The following KRT38 variants were observed in gnomAD, a reference collection of about 807,000 sequenced individuals.
KRT38 encodes the protein keratin 38.
Under a neutral mutation model 43.1 loss-of-function variants are expected in KRT38, and 45 were observed. The ratio of observed to expected loss-of-function variants is 1.04; its 90% CI spans 0.82 to 1.34. The LOEUF (loss-of-function observed/expected upper bound fraction) is 1.34, where lower values mean the gene tolerates loss of function less well. Among genes scored for constraint, KRT38 ranks in the 40% most tolerant of loss-of-function variants. KRT38 has a pLI of 0.00. For missense variants in KRT38, 627 were observed against 586.2 expected, an observed-to-expected ratio of 1.07 and a Z score of -0.72; for synonymous variants, 258 against 244.0, an observed-to-expected ratio of 1.06 and a Z score of -0.53.
Position 41,440,626 on chromosome 17 carries a change from G to A in KRT38, c.296C>T (p.Thr99Ile), listed in dbSNP as rs140551162. Residue 99 changes from threonine to isoleucine, a missense_variant, in exon 1 of 7, where the codon ACC becomes ATC. Physicochemically the swap from Thr to Ile is moderately conservative, Grantham distance 89. Transcript: ENST00000246646. ...GGTCTCCTTCTCATGGCCATTCAGG[G>A]TGTTTTCACCATAGGCCCCACAGAT... ...IGICGAYGEN[T>I]LNGHEKETMQ... 7 of 1,614,096 alleles carry A rather than the reference G, an allele frequency of 4.3e-6. No homozygotes were observed. In the South Asian group the frequency reaches 4.4e-5, roughly 10 times the overall value.
Position 41,438,831 on chromosome 17 carries a change from C to T in KRT38, c.760G>A (p.Gly254Arg). The T allele has an allele frequency of 3.1e-6, 5 of 1,614,192 alleles. No homozygotes were observed. Among genetic ancestry groups the T allele is most frequent in the Non-Finnish European group, 4.2e-6 (5 of 1,180,028 alleles). The stretch of plus-strand genomic sequence containing the variant: ...TCCAGCTCAATCCGGAGCTTCTCCC[C>T]CAGCTGACTCCTCAGAATCTTTACT... ...QEVKILRSQL[G>R]EKLRIELDIE... Residue 254 changes from glycine to arginine, a missense_variant, in exon 4 of 7, where the codon GGG becomes AGG. By Grantham distance (125) the Gly-to-Arg change is moderately radical (BLOSUM62 -2). Transcript: ENST00000246646.
At position 41,439,190 on chromosome 17, in the gene KRT38, C is replaced by G. The variant is rs775293558; in HGVS notation, c.732+13G>C. ...AGTGCCCTCCCCAGGAGTTTGAGCGCCCAGGGCCACACCTGCTCGTGGTTG... is the reference window on the plus strand; with the variant it reads ...AGTGCCCTCCCCAGGAGTTTGAGCGGCCAGGGCCACACCTGCTCGTGGTTG... On this transcript the variant is annotated intron_variant, in intron 3 of 6. Transcript: ENST00000246646. 3.1e-6 allele frequency: 5 copies of G among 1,611,972 alleles called. No individual in the cohort carries two copies. The highest frequency in any genetic ancestry group is 2.2e-5 in the East Asian group (1 of 44,860).
At chr17:41,438,423 C>G in intron 5 of KRT38, 68 bp downstream of exon 5, 2 of 1,610,558 alleles carry the variant, frequency 1.2e-6, no homozygotes, top group Non-Finnish European at 1.7e-6. Context: ...AGTGAGACCT[C>G]CAAAATAAAA....
At chr17:41,439,452 C>T in intron 2 of KRT38, 93 bp from the exon 3 acceptor site, 1 of 1,411,052 alleles carries the variant, frequency 7.1e-7, no homozygotes, top group Non-Finnish European at 9.7e-7. Flanking sequence ...ACCTTGGATC[C>T]TCATTTATTC....
In KRT38 at chr17:41,440,606, C is replaced by G; in HGVS notation, c.316G>C (p.Glu106Gln). ...CGGTCATTCAGGAACTGCATGGTCT[C>G]CTTCTCATGGCCATTCAGGGTGTTT... ...GENTLNGHEK[E>Q]TMQFLNDRLA... The change falls in exon 1 of 7, where the codon GAG becomes CAG. Residue 106 changes from glutamate (E) to glutamine (Q), a missense_variant. Glu to Gln is a conservative substitution (Grantham distance 29, BLOSUM62 2). Transcript: ENST00000246646. 1 of 1,614,214 alleles carries G rather than the reference C, an allele frequency of 6.2e-7. No individual in the cohort carries two copies. Among genetic ancestry groups the G allele is most frequent in the Non-Finnish European group, 8.5e-7 (1 of 1,180,046 alleles).
chr17:41,440,276 A>G, intron 1 of KRT38, 33 bp from the exon 2 acceptor site: 1 of 1,612,286 alleles, frequency 6.2e-7, no homozygotes, highest in Non-Finnish European at 8.5e-7. Context: ...TCACACACAA[A>G]GCATCATGCC....
rs574982108 is a variant in KRT38, at chr17:41,440,510, C to T, written c.412G>A (p.Glu138Lys). ...ENAELEATLL[E>K]RSKCHESTVC... ...GTGGACTCGTGGCACTTGCTCCTCTCGAGGAGTGTGGCCTCCAGCTCCGCA... is the reference window on the plus strand; with the variant it reads ...GTGGACTCGTGGCACTTGCTCCTCTTGAGGAGTGTGGCCTCCAGCTCCGCA... The change falls in exon 1 of 7, where the codon GAG becomes AAG. Residue 138 changes from glutamate (E) to lysine (K), a missense_variant. Transcript: ENST00000246646. The T allele has an allele frequency of 1.4e-5, 22 of 1,614,230 alleles. No homozygotes were observed. The highest frequency in any genetic ancestry group is 1.0e-4 in the Admixed American group (6 of 60,028).
In KRT38 at chr17:41,437,881, GC is replaced by G. The variant is rs1328408671; in HGVS notation, c.1241+211del. Among the ~76,000 whole-genome samples the G allele has an allele frequency of 2.6e-5, 4 of 152,170 alleles. No individual in the cohort carries two copies. In the East Asian group the frequency reaches 7.7e-4, roughly 29 times the overall value. ...CATCAGTCCATGGCTACCCCAAGCA[GC>G]CCCGGTGGAGACCTGGTAAATATCC... On this transcript the variant is annotated intron_variant, in intron 6 of 6. Transcript: ENST00000246646.
chr17:41,440,140 G>A, intron 2 of KRT38, 21 bp downstream of exon 2: 1 of 1,594,784 alleles, frequency 6.3e-7, no homozygotes, highest in African/African-American at 1.3e-5. Flanking sequence ...AGTCACCCTG[G>A]CCCTCCTCCG....
Position 41,438,692 on chromosome 17 carries a change from C to G in KRT38, c.894+5G>C, listed in dbSNP as rs1174278202. Reference sequence around the variant, plus strand: ...ACCCCCTGGTTCTATACCCCCCCCACTCACCTGGGCTTGGAACCACTGTTC... The same window carrying G: ...ACCCCCTGGTTCTATACCCCCCCCAGTCACCTGGGCTTGGAACCACTGTTC... On this transcript the variant is annotated splice_donor_5th_base_variant and intron_variant, in intron 4 of 6. Coordinates refer to ENST00000246646, the MANE Select transcript of KRT38 (RefSeq NM_006771.4). 15 of 1,607,216 alleles carry G rather than the reference C, an allele frequency of 9.3e-6. No individual in the cohort carries two copies. The highest frequency in any genetic ancestry group is 1.3e-5 in the Non-Finnish European group (15 of 1,176,732).
Position 41,438,109 on chromosome 17 carries a change from C to T in KRT38, c.1225G>A (p.Glu409Lys). The part of the protein sequence containing the change: ...NEIATYRNLL[E>K]SEDCKLPCNP... ...CACACGTACTTGCAGTCCTCGCTTT[C>T]CAGAAGGTTCCGGTACGTGGCAATC... is the stretch of plus-strand genomic sequence containing the variant. The change falls in exon 6 of 7, where the codon GAA (glutamate) becomes AAA (lysine). Residue 409 changes from glutamate (E) to lysine (K), a missense_variant. Transcript: ENST00000246646. The T allele has an allele frequency of 6.2e-7, 1 of 1,614,154 alleles. No homozygotes were observed. Among genetic ancestry groups the T allele is most frequent in the South Asian group, 1.1e-5 (1 of 91,084 alleles).
rs62066827 is a variant in KRT38 at position 41,436,294 on chromosome 17, G to T, written c.*1118C>A. Among the ~76,000 whole-genome samples the T allele has an allele frequency of 0.04, 6,097 of 152,318 alleles. 204 individuals carry two copies. The highest frequency in any genetic ancestry group is 0.06 in the Non-Finnish European group (4,081 of 68,022). ...AACAACAGATACAGAGGCAAGTTCA[G>T]CTGTTGGAGGTGCTAATGAGCAGGA... On this transcript the variant is annotated 3_prime_UTR_variant, in exon 7 of 7. Transcript: ENST00000246646.
chr17:41,440,241 G>A lies in KRT38; in HGVS notation c.495C>T (p.Ile165=), dbSNP rs1295869884. 2 of 1,613,992 alleles carry A rather than the reference G, an allele frequency of 1.2e-6. No homozygotes were observed. Among genetic ancestry groups the A allele is most frequent in the African/African-American group, 2.7e-5 (2 of 74,908 alleles). ...FHTIEELQQK[I]LCSKAENARL... ...TGGCATTCTCGGCCTTGCTGCACAG[G>A]ATCTGAGGAGAACAGGAAGACAGTT... Residue 165 remains isoleucine, a splice_region_variant and synonymous_variant, in exon 2 of 7, where the codon ATC becomes ATT. Transcript: ENST00000246646.
At chr17:41,437,649 AC>A in intron 6 of KRT38, 108 bp from the exon 7 acceptor site, 1 of 1,142,936 alleles carries the variant, frequency 8.7e-7, no homozygotes, top group Non-Finnish European at 1.2e-6. Flanking sequence ...CAGAACATGG[AC>A]CCAGCTGGAC....
rs779815946 is a variant in KRT38 at position 41,438,591 on chromosome 17, A to G, written c.920T>C (p.Met307Thr). 27 of 1,613,996 alleles carry G rather than the reference A, an allele frequency of 1.7e-5. No homozygotes were observed. The Admixed American group carries it at 3.7e-4, about 22-fold the overall frequency. Residue 307 changes from methionine to threonine, a missense_variant, in exon 5 of 7, where the codon ATG (methionine) becomes ACG (threonine). Coordinates refer to ENST00000246646, the MANE Select transcript of KRT38 (RefSeq NM_006771.4). ...AQSEGISLQD[M>T]SCSEELQCCQ... ...GCACTGCAGCTCCTCGGAGCAGGAC[A>G]TGTCCTGCAGGCTGATGCCTTCAGA...
chr17:41,438,275 G>A lies in KRT38; in HGVS notation c.1059C>T (p.Asp353=). The change falls in exon 6 of 7, where the codon GAC becomes GAT. Residue 353 remains aspartate (D), a synonymous_variant. Coordinates refer to ENST00000246646, the MANE Select transcript of KRT38 (RefSeq NM_006771.4). ...TCTGGGCCAGCTCCGTGCCGAAGCG[G>A]TCCTCGGCTTCACACAGGGAGTTCT... ...CLQNSLCEAE[D]RFGTELAQMQ... is the part of the protein sequence containing the mutation. The A allele has an allele frequency of 1.2e-6, 2 of 1,614,146 alleles. No homozygotes were observed. Among genetic ancestry groups the A allele is most frequent in the Non-Finnish European group, 1.7e-6 (2 of 1,180,020 alleles).
intron 5 of KRT38, 69 bp downstream of exon 5, chr17:41,438,422 T>G: frequency 2.5e-6 from 4 of 1,610,446 alleles, no homozygotes; most frequent in Non-Finnish European, 3.4e-6. Context: ...TAGTGAGACC[T>G]CCAAAATAAA....
In KRT38 at chr17:41,438,123, T is replaced by C; in HGVS notation, c.1211A>G (p.Tyr404Cys). The C allele has an allele frequency of 6.2e-7, 1 of 1,614,188 alleles. No individual in the cohort carries two copies. Among genetic ancestry groups the C allele is most frequent in the South Asian group, 1.1e-5 (1 of 91,086 alleles). ...KTRLENEIAT[Y>C]RNLLESEDCK... ...GTCCTCGCTTTCCAGAAGGTTCCGG[T>C]ACGTGGCAATCTCATTCTCCAGCCG... Residue 404 changes from tyrosine to cysteine, a missense_variant, in exon 6 of 7, where the codon TAC becomes TGC. Transcript: ENST00000246646.
In KRT38 at chr17:41,437,381, C is replaced by G; in HGVS notation, c.*31G>C. 2.0e-6 allele frequency: 3 copies of G among 1,512,736 alleles called. No homozygotes were observed. The highest frequency in any genetic ancestry group is 2.6e-6 in the Non-Finnish European group (3 of 1,137,032). The allele number at this position is 1,512,736 out of a possible 1,614,324, so 93.7% of individuals were successfully genotyped here. A position where few individuals can be genotyped will look rare whatever the true frequency, so the allele number is the denominator to read the frequency against. On this transcript the variant is annotated 3_prime_UTR_variant, in exon 7 of 7. Transcript: ENST00000246646. ...AGCATCTCTCTTTGGGTATCCCTCG[C>G]CTTAGCCAGCCCCTGTGGGTCCACA... is the stretch of plus-strand genomic sequence containing the variant.
Sources: gnomAD v4.1 joint callset for allele counts (sites outside exome capture counted in the v4.1 genomes callset) on GRCh38, gnomAD v4.1.1 for gene constraint, MANE v1.5 for transcripts, NCBI Gene and HGNC (gene_info 2026-07-23, HGNC 2026-07-21) for gene names.